The following PITPNC1 variants were observed in gnomAD, a reference collection of about 807,000 sequenced individuals.
The protein encoded by PITPNC1 is cytoplasmic phosphatidylinositol transfer protein 1.
In PITPNC1, 18 loss-of-function variants were observed where a neutral mutation model predicts 44.7. The ratio of observed to expected loss-of-function variants is 0.40; its 90% CI spans 0.28 to 0.60. The LOEUF (loss-of-function observed/expected upper bound fraction) is 0.60, where lower values mean the gene tolerates loss of function less well. Ranked by LOEUF, PITPNC1 falls within the 20% of genes least tolerant of loss-of-function variation. The pLI is 0.39. For synonymous variants in PITPNC1, 141 were observed against 149.6 expected (o/e 0.94, Z 0.42); for missense variants, 290 against 418.4 (o/e 0.69, Z 2.68).
intron 4 of PITPNC1, among the ~76,000 whole-genome samples, chr17:67,575,500 C>A (rs1016020378): frequency 6.6e-6 from 1 of 152,186 alleles, no homozygotes; most frequent in Non-Finnish European, 1.5e-5. Flanking sequence ...AAGACAGATG[C>A]GTGCTGAACG....
intron 1 of PITPNC1, among the ~76,000 whole-genome samples, chr17:67,464,631 T>C (rs781014762): frequency 3.3e-5 from 5 of 152,264 alleles, no homozygotes; most frequent in Middle Eastern, 3.4e-3. Context: ...CAGGAGAAGA[T>C]TGATGGAAGC....
chr17:67,427,618 T>C (rs1598648854), intron 1 of PITPNC1, among the ~76,000 whole-genome samples: 1 of 152,218 alleles, frequency 6.6e-6, no homozygotes, highest in East Asian at 1.9e-4. Context: ...CACATGAACA[T>C]TGGCTGCACC....
chr17:67,532,701 A>C (rs1334630879), intron 1 of PITPNC1, 101 bp from the exon 2 acceptor site: 2 of 854,888 alleles, frequency 2.3e-6, no homozygotes, highest in Non-Finnish European at 3.6e-6. Flanking sequence ...TTCTCAGCAG[A>C]AGGTGCTGAT....
intron 6 of PITPNC1, among the ~76,000 whole-genome samples, chr17:67,647,489 T>G (rs1364699018): frequency 2.4e-5 from 3 of 127,582 alleles, no homozygotes; most frequent in African/African-American, 3.4e-5. Flanking sequence ...TTTTTTTTTT[T>G]TTTTGTAGAG....
chr17:67,681,583 TA>T (rs1177922242), intron 8 of PITPNC1, among the ~76,000 whole-genome samples: 2 of 115,864 alleles, frequency 1.7e-5, no homozygotes, highest in Admixed American at 1.3e-4. Flanking sequence ...CACTCCAGCC[TA>T]GGTGACAGAG....
intron 6 of PITPNC1, among the ~76,000 whole-genome samples, chr17:67,660,040 C>G (rs1443073441): frequency 6.6e-6 from 1 of 152,080 alleles, no homozygotes; most frequent in Non-Finnish European, 1.5e-5. Flanking sequence ...ACCACCACAC[C>G]CAACTAATTT....
chr17:67,653,532 A>G (rs2042231641), intron 6 of PITPNC1, among the ~76,000 whole-genome samples: 2 of 151,650 alleles, frequency 1.3e-5, no homozygotes. Flanking sequence ...CCAGTGTGTG[A>G]TTATCTTTTT....
intron 5 of PITPNC1, among the ~76,000 whole-genome samples, chr17:67,606,695 G>A (rs1321988186): frequency 2.6e-5 from 4 of 151,958 alleles, no homozygotes; most frequent in African/African-American, 7.3e-5. Context: ...TAGCAGTGGC[G>A]TGAAGCCAGC....
intron 5 of PITPNC1, among the ~76,000 whole-genome samples, chr17:67,615,520 T>A (rs1004851387): frequency 3.3e-5 from 5 of 152,160 alleles, no homozygotes; most frequent in Non-Finnish European, 5.9e-5. Context: ...TATTTCATTC[T>A]CTTGAGGCTG....
chr17:67,497,128 G>A (rs1012685487), intron 1 of PITPNC1, among the ~76,000 whole-genome samples: 5 of 151,954 alleles, frequency 3.3e-5, no homozygotes, highest in African/African-American at 1.2e-4. Context: ...CACAGTAAGA[G>A]CCTGACGTTA....
At chr17:67,613,578 G>A (rs1452203000) in intron 5 of PITPNC1, 1 of 152,174 alleles carries the variant, frequency 6.6e-6, no homozygotes, top group Non-Finnish European at 1.5e-5. Context: ...TGCTGGCTTT[G>A]GGAGGCCAAA....
At chr17:67,407,782 G>C (rs1278589534) in intron 1 of PITPNC1, among the ~76,000 whole-genome samples, 1 of 150,572 alleles carries the variant, frequency 6.6e-6, no homozygotes, top group Admixed American at 6.6e-5. Context: ...CAACAAGAGC[G>C]AAACTCTGTC....
chr17:67,574,152 C>T (rs2041102440), intron 4 of PITPNC1, among the ~76,000 whole-genome samples: 1 of 152,128 alleles, frequency 6.6e-6, no homozygotes, highest in South Asian at 2.1e-4. Context: ...TCTGAACACT[C>T]CTACAGAGCG....
intron 1 of PITPNC1, among the ~76,000 whole-genome samples, chr17:67,400,349 T>C (rs916630151): frequency 6.6e-6 from 1 of 152,210 alleles, no homozygotes; most frequent in African/African-American, 2.4e-5. Flanking sequence ...TATGGTGGTG[T>C]GTCTCTTGCT....
intron 1 of PITPNC1, among the ~76,000 whole-genome samples, chr17:67,441,278 C>CA (rs896142252): frequency 7.7e-5 from 7 of 90,404 alleles, no homozygotes; most frequent in Non-Finnish European, 1.2e-4. Flanking sequence ...ATTTATTAAG[C>CA]CCCCCCCCGC....
chr17:67,638,043 G>T (rs1567753198), intron 6 of PITPNC1: 1 of 152,226 alleles, frequency 6.6e-6, no homozygotes, highest in African/African-American at 2.4e-5. Context: ...GAAGCCAAAA[G>T]CTGAGCAGGT....
At chr17:67,574,752 C>A (rs1382641886) in intron 4 of PITPNC1, among the ~76,000 whole-genome samples, 3 of 152,006 alleles carry the variant, frequency 2.0e-5, no homozygotes, top group Admixed American at 2.0e-4. Flanking sequence ...ACCCGCACAC[C>A]CCAGGACTCT....
At chr17:67,454,696 C>T (rs1255102584) in intron 1 of PITPNC1, among the ~76,000 whole-genome samples, 1 of 152,034 alleles carries the variant, frequency 6.6e-6, no homozygotes, top group Non-Finnish European at 1.5e-5. Context: ...CACAAAAAAG[C>T]ACAATAAAAC....
At chr17:67,582,129 C>G (rs759914037) in intron 5 of PITPNC1, among the ~76,000 whole-genome samples, 37 of 152,186 alleles carry the variant, frequency 2.4e-4, no homozygotes, top group Non-Finnish European at 5.1e-4. Flanking sequence ...ATATATTTAT[C>G]TAACAATTCT....
Sources: allele counts gnomAD v4.1 joint callset (sites outside exome capture counted in the v4.1 genomes callset), GRCh38; gene constraint gnomAD v4.1.1; transcripts MANE v1.5; gene names NCBI Gene and HGNC (gene_info 2026-07-23, HGNC 2026-07-21).